LRFN5: variants seen among roughly 807,000 people sequenced by gnomAD.
LRFN5 encodes leucine-rich repeat and fibronectin type-III domain-containing protein 5.
In LRFN5, 24 loss-of-function variants were observed where a neutral mutation model predicts 45.6. That is an observed-to-expected ratio of 0.53 (90% CI 0.38 to 0.74). The LOEUF (loss-of-function observed/expected upper bound fraction) is 0.74, where lower values mean the gene tolerates loss of function less well. Ranked by LOEUF, LRFN5 falls within the 30% of genes least tolerant of loss-of-function variation. LRFN5 has a pLI of 0.00. For synonymous variants in LRFN5, 340 were observed against 313.8 expected (o/e 1.08, Z -0.88); for missense variants, 776 against 861.5 (o/e 0.90, Z 1.24).
chr14:41,674,829 G>A (rs888052096), intron 1 of LRFN5, among the ~76,000 whole-genome samples: 5 of 150,314 alleles, frequency 3.3e-5, no homozygotes, highest in Non-Finnish European at 5.9e-5. Context: ...GGGAGGAGGG[G>A]CTCCTCACTT....
intron 1 of LRFN5, among the ~76,000 whole-genome samples, chr14:41,694,285 C>T (rs1293856772): frequency 6.6e-6 from 1 of 151,872 alleles, no homozygotes; most frequent in African/African-American, 2.4e-5. Flanking sequence ...AAAACTTATT[C>T]CTTCTATCTA....
intron 1 of LRFN5, among the ~76,000 whole-genome samples, chr14:41,740,139 T>C (rs1469123071): frequency 1.3e-5 from 2 of 152,066 alleles, no homozygotes; most frequent in African/African-American, 2.4e-5. Flanking sequence ...ATATCAGTCC[T>C]TCTCAAGATT....
intron 2 of LRFN5, among the ~76,000 whole-genome samples, chr14:41,806,903 G>C (rs1394427108): frequency 6.6e-6 from 1 of 152,056 alleles, no homozygotes; most frequent in African/African-American, 2.4e-5. Context: ...CAGCAGCCTG[G>C]GAATCTAGAG....
Position 41,771,857 on chromosome 14 carries a change from A to T in LRFN5, c.-21+4828A>T, listed in dbSNP as rs576665047. Among the ~76,000 whole-genome samples the T allele has an allele frequency of 2.0e-5, 3 of 152,264 alleles. No homozygotes were observed. The South Asian group carries it at 6.2e-4, about 32-fold the overall frequency. On this transcript the variant is annotated intron_variant, in intron 2 of 5. Coordinates refer to ENST00000298119, the MANE Select transcript of LRFN5 (RefSeq NM_152447.5). ...TACCCAGTTCCAAAGCCACTTTCAC[A>T]TTTTCAGTTATCTTTATAGCAATGC...
chr14:41,618,503 G>T (rs866172508), intron 1 of LRFN5, among the ~76,000 whole-genome samples: 5 of 152,128 alleles, frequency 3.3e-5, no homozygotes, highest in Admixed American at 2.0e-4. Flanking sequence ...AGCTCCAATG[G>T]CCAGACACGC....
chr14:41,762,514 T>G (rs1425909536), intron 1 of LRFN5, among the ~76,000 whole-genome samples: 1 of 152,114 alleles, frequency 6.6e-6, no homozygotes, highest in Admixed American at 6.5e-5. Flanking sequence ...ACTTTTAAAG[T>G]AGGTTTAGCA....
At chr14:41,672,034 A>C (rs1881261291) in intron 1 of LRFN5, among the ~76,000 whole-genome samples, 1 of 152,166 alleles carries the variant, frequency 6.6e-6, no homozygotes, top group African/African-American at 2.4e-5. Context: ...ATCTTTCCAT[A>C]AGCCAGAAGT....
At chr14:41,843,774 T>C (rs921807286) in intron 2 of LRFN5, among the ~76,000 whole-genome samples, 2 of 152,182 alleles carry the variant, frequency 1.3e-5, no homozygotes, top group African/African-American at 4.8e-5. Context: ...ATGTAAGTAA[T>C]CACTTCATGA....
intron 1 of LRFN5, among the ~76,000 whole-genome samples, chr14:41,759,045 C>T (rs77061386): frequency 0.023 from 3,481 of 152,174 alleles, 44 homozygotes; most frequent in Middle Eastern, 0.038. Context: ...AAAGAGCTTA[C>T]AGGCCAATAA....
rs375396897 is a variant in LRFN5, at chr14:41,887,313, C to G, written c.688C>G (p.Pro230Ala). Residue 230 changes from proline (P) to alanine (A), a missense_variant, in exon 3 of 6, where the codon CCA (proline) becomes GCA (alanine). By Grantham distance (27) the Pro-to-Ala change is conservative. Around this residue, in one of 2 missense-constraint regions of LRFN5, gnomAD observed 311 missense variants for 405.1 expected, o/e 0.77. Transcript: ENST00000298119. This position sits in a 1 kb window ranked among gnomAD's most constrained non-coding sequence, Gnocchi z 4.8. Reference sequence around the variant, plus strand: ...ACTAGCAACCTCAGGAATCATAAGCCCATCTACTTTTGCATTAAGTTTTGG... The same window carrying G: ...ACTAGCAACCTCAGGAATCATAAGCGCATCTACTTTTGCATTAAGTTTTGG... ...QVLATSGIIS[P>A]STFALSFGGN... The G allele has an allele frequency of 1.2e-5, 20 of 1,614,052 alleles. No homozygotes were observed. The highest frequency in any genetic ancestry group is 1.7e-5 in the Non-Finnish European group (20 of 1,180,044).
At chr14:41,753,414 C>A (rs1416612114) in intron 1 of LRFN5, among the ~76,000 whole-genome samples, 1 of 152,064 alleles carries the variant, frequency 6.6e-6, no homozygotes, top group Non-Finnish European at 1.5e-5. Flanking sequence ...AATGTTCTTC[C>A]ATTTGTTTGT....
intron 1 of LRFN5, among the ~76,000 whole-genome samples, chr14:41,627,268 A>G (rs1277446835): frequency 6.6e-6 from 1 of 152,098 alleles, no homozygotes; most frequent in East Asian, 1.9e-4. Context: ...CATTATCCCT[A>G]AAAGGAACTC....
intron 1 of LRFN5, among the ~76,000 whole-genome samples, chr14:41,752,764 G>A (rs1467418405): frequency 2.6e-5 from 4 of 152,082 alleles, no homozygotes; most frequent in Non-Finnish European, 5.9e-5. Flanking sequence ...AAGCTCTTTA[G>A]TTTAATTAGA....
chr14:41,784,336 A>G (rs1260581994), intron 2 of LRFN5, among the ~76,000 whole-genome samples: 2 of 151,892 alleles, frequency 1.3e-5, no homozygotes, highest in African/African-American at 4.8e-5. Context: ...ATCCTCCAAC[A>G]TTGTTGTATT....
At chr14:41,875,269 T>A (rs1183910023) in intron 2 of LRFN5, among the ~76,000 whole-genome samples, 1 of 152,240 alleles carries the variant, frequency 6.6e-6, no homozygotes, top group Non-Finnish European at 1.5e-5. Context: ...CAACAAAAAT[T>A]CATTTTAGGG....
chr14:41,685,373 A>G (rs1252507590), intron 1 of LRFN5, among the ~76,000 whole-genome samples: 2 of 152,196 alleles, frequency 1.3e-5, no homozygotes, highest in Admixed American at 6.5e-5. Flanking sequence ...CGCTGTTCAC[A>G]ATAACCAAGA....
intron 2 of LRFN5, among the ~76,000 whole-genome samples, chr14:41,781,991 T>C (rs79093269): frequency 0.012 from 1,776 of 152,242 alleles, 25 homozygotes; most frequent in African/African-American, 0.041. Flanking sequence ...GAACATTCTC[T>C]AAATGTATGT....
intron 1 of LRFN5, among the ~76,000 whole-genome samples, chr14:41,662,095 T>G (rs1880682345): frequency 6.6e-6 from 1 of 152,046 alleles, no homozygotes; most frequent in Non-Finnish European, 1.5e-5. Flanking sequence ...CTCTCTTTTA[T>G]GAACTCACAG....
intron 2 of LRFN5, among the ~76,000 whole-genome samples, chr14:41,866,691 C>T (rs935824836): frequency 3.9e-5 from 6 of 152,074 alleles, no homozygotes; most frequent in Non-Finnish European, 8.8e-5. Context: ...ATCTTTATAT[C>T]ACTTATGTAG....
Sources: gnomAD v4.1 joint callset for allele counts (sites outside exome capture counted in the v4.1 genomes callset) on GRCh38, gnomAD v4.1.1 for gene constraint, gnomAD v4.1.1 regional missense constraint, Gnocchi (gnomAD v3.1) non-coding constraint, MANE v1.5 for transcripts, NCBI Gene and HGNC (gene_info 2026-07-23, HGNC 2026-07-21) for gene names.